WDR86: variants seen among roughly 807,000 people sequenced by gnomAD.
The protein encoded by WDR86 is WD repeat-containing protein 86.
Under a neutral mutation model 36.5 loss-of-function variants are expected in WDR86, and 30 were observed. The observed-to-expected ratio is 0.82, with a 90% CI of 0.61 to 1.11. WDR86 has a LOEUF of 1.11. WDR86 is among the 50% of genes most tolerant of loss of function. The pLI, the probability that WDR86 is intolerant of heterozygous loss-of-function variation, is 0.00. For synonymous variants in WDR86, 255 were observed against 252.9 expected, an observed-to-expected ratio of 1.01 and a Z score of -0.08; for missense variants, 545 against 561.2, an observed-to-expected ratio of 0.97 and a Z score of 0.29.
downstream of WDR86, chr7:151,374,459 CA>C: frequency 1.6e-6 from 1 of 636,402 alleles, no homozygotes; most frequent in Non-Finnish European, 2.8e-6. Flanking sequence ...GGCCTGGCTC[CA>C]AAACGTGGTG....
downstream of WDR86, among the ~76,000 whole-genome samples, chr7:151,380,284 T>C (rs1195647876): frequency 6.6e-6 from 1 of 152,140 alleles, no homozygotes; most frequent in African/African-American, 2.4e-5. Context: ...TACCTGTTCA[T>C]CCGCGCCCGA....
chr7:151,374,847 G>A (rs980644425), downstream of WDR86, among the ~76,000 whole-genome samples: 3 of 152,148 alleles, frequency 2.0e-5, no homozygotes, highest in Non-Finnish European at 2.9e-5. Flanking sequence ...TCTCGGCCCC[G>A]CAGGTCAGTG....
chr7:151,381,725 TGTA>T lies in WDR86; in HGVS notation c.985_987del (p.Tyr329del). 1 of 1,511,824 alleles carries T rather than the reference TGTA, an allele frequency of 6.6e-7. No homozygotes were observed. Among genetic ancestry groups the T allele is most frequent in the Non-Finnish European group, 8.8e-7 (1 of 1,132,798 alleles). The allele number at this position is 1,511,824 out of a possible 1,614,324, so 93.7% of individuals were successfully genotyped here. On this transcript the variant is annotated inframe_deletion, in exon 6 of 6. Coordinates refer to ENST00000334493, the MANE Select transcript of WDR86 (RefSeq NM_198285.3). The surrounding 1 kb of genome is among the most constrained non-coding windows in gnomAD (Gnocchi z 4.8). Reference sequence around the variant, plus strand: ...CGCAGGGCGCCGTCGTGCGAGGCGGTGTAGAGCACCTGGCCGTGCACCTGCGGG... The same window carrying T: ...CGCAGGGCGCCGTCGTGCGAGGCGGTGAGCACCTGGCCGTGCACCTGCGGG...
chr7:151,378,967 G>A (rs1226147010), downstream of WDR86, among the ~76,000 whole-genome samples: 1 of 152,224 alleles, frequency 6.6e-6, no homozygotes, highest in Non-Finnish European at 1.5e-5. Flanking sequence ...AGAATGGGCT[G>A]CCCTCCAGGC....
At position 151,400,236 on chromosome 7, in the gene WDR86, C is replaced by CGTGTCCTG; in HGVS notation, c.168_169insCAGGACAC (p.Glu57GlnfsTer7). On this transcript the variant is annotated frameshift_variant, in exon 2 of 6. Coordinates refer to ENST00000334493, the MANE Select transcript of WDR86 (RefSeq NM_198285.3). LOFTEE classifies it high-confidence loss of function. Reference sequence around the variant, plus strand: ...AGCTGGCAGAAGGTCACATAGCTTTCATGTCCTGCAGATGAGGGACAGGGG... The same window carrying CGTGTCCTG: ...AGCTGGCAGAAGGTCACATAGCTTTCGTGTCCTGATGTCCTGCAGATGAGGGACAGGGG... 6.2e-7 allele frequency: 1 copy of CGTGTCCTG among 1,606,244 alleles called. No individual in the cohort carries two copies. Among genetic ancestry groups the CGTGTCCTG allele is most frequent in the East Asian group, 2.2e-5 (1 of 44,532 alleles).
intron 3 of WDR86, among the ~76,000 whole-genome samples, chr7:151,391,158 C>G (rs1278558375): frequency 6.6e-6 from 1 of 152,214 alleles, no homozygotes; most frequent in Non-Finnish European, 1.5e-5. Context: ...GGCGATGGCC[C>G]TCGGTCAGAG....
intron 1 of WDR86, among the ~76,000 whole-genome samples, chr7:151,408,193 TC>T (rs1800868052): frequency 2.8e-5 from 4 of 141,700 alleles, no homozygotes; most frequent in East Asian, 1.9e-4. Context: ...TTTTTTCTTT[TC>T]TTTTCTTTTT....
chr7:151,382,280 C>T (rs1798654711), intron 4 of WDR86, among the ~76,000 whole-genome samples: 1 of 152,198 alleles, frequency 6.6e-6, no homozygotes, highest in Non-Finnish European at 1.5e-5. Flanking sequence ...CTTGGGAAGC[C>T]CCTGCCTGGG....
At chr7:151,370,380 C>T in the WDR86 span, among the ~76,000 whole-genome samples, 2 of 152,114 alleles carry the variant, frequency 1.3e-5, no homozygotes, top group African/African-American at 4.8e-5. Context: ...TGAGCCACTG[C>T]GACCAGCTGA....
downstream of WDR86, among the ~76,000 whole-genome samples, chr7:151,380,113 C>T (rs1200556458): frequency 3.3e-5 from 5 of 152,202 alleles, no homozygotes; most frequent in Non-Finnish European, 4.4e-5. Context: ...TGCATGGTGC[C>T]GTTTCTGCGG....
chr7:151,373,860 C>T (rs1798076775), downstream of WDR86, among the ~76,000 whole-genome samples: 1 of 152,022 alleles, frequency 6.6e-6, no homozygotes, highest in Non-Finnish European at 1.5e-5. Flanking sequence ...CTCCTTCCTG[C>T]CCCACGGGCA....
At chr7:151,408,342 G>A (rs975473920) in intron 1 of WDR86, among the ~76,000 whole-genome samples, 1 of 151,622 alleles carries the variant, frequency 6.6e-6, no homozygotes, top group Non-Finnish European at 1.5e-5. Context: ...AATTACAGGC[G>A]CCCGCCACCA....
intron 2 of WDR86, among the ~76,000 whole-genome samples, chr7:151,399,288 C>T (rs1025907333): frequency 2.6e-5 from 4 of 152,182 alleles, no homozygotes; most frequent in African/African-American, 4.8e-5. Context: ...TCCCCCCATG[C>T]GCTGGTCCAC....
chr7:151,392,499 C>T (rs1006800607), intron 3 of WDR86, among the ~76,000 whole-genome samples: 2 of 152,172 alleles, frequency 1.3e-5, no homozygotes, highest in African/African-American at 2.4e-5. Context: ...ACCCCTGAAG[C>T]CCCCTACCCG....
In WDR86 at chr7:151,401,662, A is replaced by T. The variant is rs1313545396; in HGVS notation, c.164-1421T>A. On this transcript the variant is annotated intron_variant, in intron 1 of 5. Coordinates refer to ENST00000334493, the MANE Select transcript of WDR86 (RefSeq NM_198285.3). This position sits in a 1 kb window ranked among gnomAD's most constrained non-coding sequence, Gnocchi z 4.3. Reference sequence around the variant, plus strand: ...AGGTCCTAATCCCTGGAACCTGTCAATGTGACCTTACTTGGAAAGGGGTCT... The same window carrying T: ...AGGTCCTAATCCCTGGAACCTGTCATTGTGACCTTACTTGGAAAGGGGTCT... Among the ~76,000 whole-genome samples, 2 of 152,176 alleles carry T rather than the reference A, an allele frequency of 1.3e-5. No individual in the cohort carries two copies. Among genetic ancestry groups the T allele is most frequent in the Non-Finnish European group, 2.9e-5 (2 of 68,028 alleles).
downstream of WDR86, chr7:151,374,029 A>G (rs985508093): frequency 6.8e-7 from 1 of 1,470,538 alleles, no homozygotes; most frequent in Non-Finnish European, 9.1e-7. Flanking sequence ...AATCCTGCAG[A>G]GCGCAGACTG....
At chr7:151,402,890 C>T (rs1241267579) in intron 1 of WDR86, among the ~76,000 whole-genome samples, 2 of 152,194 alleles carry the variant, frequency 1.3e-5, no homozygotes, top group African/African-American at 2.4e-5. Context: ...CTTAGTAGGG[C>T]CTGCCCTTCA....
chr7:151,378,630 A>G (rs1798422325), downstream of WDR86, among the ~76,000 whole-genome samples: 1 of 152,182 alleles, frequency 6.6e-6, no homozygotes, highest in Non-Finnish European at 1.5e-5. Context: ...GCCGCACGCC[A>G]AGCGGGGCTG....
chr7:151,385,787 G>A (rs1224375205), intron 3 of WDR86, among the ~76,000 whole-genome samples: 1 of 152,164 alleles, frequency 6.6e-6, no homozygotes, highest in African/African-American at 2.4e-5. Context: ...CCAGCCATGT[G>A]ATGCTGCTGT....
Sources: gnomAD v4.1 joint callset for allele counts (sites outside exome capture counted in the v4.1 genomes callset) on GRCh38, gnomAD v4.1.1 for gene constraint, Gnocchi (gnomAD v3.1) non-coding constraint, MANE v1.5 for transcripts, NCBI Gene and HGNC (gene_info 2026-07-23, HGNC 2026-07-21) for gene names.